Variants in COP1 observed in about 807,000 individuals in gnomAD.
The protein encoded by COP1 is E3 ubiquitin-protein ligase COP1.
In COP1, 24 loss-of-function variants were observed where a neutral mutation model predicts 101.3. That is an observed-to-expected ratio of 0.24 (90% CI 0.17 to 0.33). The LOEUF (loss-of-function observed/expected upper bound fraction) is 0.33, where lower values mean the gene tolerates loss of function less well. COP1 is among the 10% of genes least tolerant of loss of function. COP1 has a pLI of 1.00. For missense variants in COP1, 663 were observed against 906.2 expected, an observed-to-expected ratio of 0.73 and a Z score of 3.45; for synonymous variants, 347 against 341.9, an observed-to-expected ratio of 1.01 and a Z score of -0.17.
At position 176,074,563 on chromosome 1, in the gene COP1, G is replaced by A. The variant is rs188443384; in HGVS notation, c.1277+6589C>T. On this transcript the variant is annotated intron_variant, in intron 11 of 19. Transcript: ENST00000367669. Reference sequence around the variant, plus strand: ...AAAAATTTCTTATATTAGTCTAAATGTTTTAATCTAACCACAATTTGTAAG... The same window carrying A: ...AAAAATTTCTTATATTAGTCTAAATATTTTAATCTAACCACAATTTGTAAG... 5.7e-4 allele frequency among the ~76,000 whole-genome samples: 87 copies of A among 152,170 alleles called. 1 individual carries two copies. Among genetic ancestry groups the A allele is most frequent in the Non-Finnish European group, 9.0e-4 (61 of 67,988 alleles).
intron 8 of COP1, 61 bp downstream of exon 8, chr1:176,134,949 C>G: frequency 3.2e-6 from 4 of 1,256,210 alleles, no homozygotes; most frequent in Non-Finnish European, 4.7e-6. Context: ...TCCTAAAGGA[C>G]TAGACCATAT....
At chr1:176,154,075 G>C (rs1293847026) in intron 5 of COP1, among the ~76,000 whole-genome samples, 1 of 152,132 alleles carries the variant, frequency 6.6e-6, no homozygotes, top group African/African-American at 2.4e-5. Context: ...GTCTCTGCCA[G>C]GTTTTGGTAT....
rs1055087394 is a variant in COP1, at chr1:175,993,844, C to A, written c.1730-4365G>T. 5.3e-5 allele frequency among the ~76,000 whole-genome samples: 8 copies of A among 152,258 alleles called. No homozygotes were observed. In the Middle Eastern group the frequency reaches 0.01, roughly 194 times the overall value. On this transcript the variant is annotated intron_variant, in intron 15 of 19. Transcript: ENST00000367669. ...TGCAGGATATTATCCAGGAGAACTT[C>A]CCCAATCTAGCAAGGCAGGCCAACT...
intron 5 of COP1, among the ~76,000 whole-genome samples, chr1:176,157,542 T>G (rs980113981): frequency 1.3e-5 from 2 of 152,076 alleles, no homozygotes; most frequent in Admixed American, 1.3e-4. Flanking sequence ...TATACATGCA[T>G]CAGGCACTCA....
chr1:175,976,605 T>G (rs1468643814), intron 18 of COP1, among the ~76,000 whole-genome samples: 1 of 152,110 alleles, frequency 6.6e-6, no homozygotes, highest in Non-Finnish European at 1.5e-5. Context: ...TTAGTTGCTA[T>G]TTTGGTTCAG....
chr1:176,042,327 G>A (rs192697252), intron 14 of COP1, among the ~76,000 whole-genome samples: 9 of 146,908 alleles, frequency 6.1e-5, no homozygotes, highest in Non-Finnish European at 9.0e-5. Context: ...TTCAGAGGCC[G>A]AGGCAGCAGG....
intron 14 of COP1, among the ~76,000 whole-genome samples, chr1:176,039,036 T>G (rs1014979226): frequency 6.6e-6 from 1 of 152,132 alleles, no homozygotes; most frequent in African/African-American, 2.4e-5. Flanking sequence ...ATTCTCAGGC[T>G]CATATGGAAC....
At chr1:176,072,632 T>C (rs1443223362) in intron 11 of COP1, among the ~76,000 whole-genome samples, 2 of 152,186 alleles carry the variant, frequency 1.3e-5, no homozygotes, top group African/African-American at 4.8e-5. Context: ...TCAATAATTA[T>C]CTAGAGATGT....
Position 176,107,683 on chromosome 1 carries a change from G to T in COP1, c.1026+8941C>A, listed in dbSNP as rs116060242. 7.0e-3 allele frequency among the ~76,000 whole-genome samples: 1,067 copies of T among 152,232 alleles called. 13 individuals are homozygous for T. Among genetic ancestry groups the T allele is most frequent in the African/African-American group, 0.024 (1,007 of 41,542 alleles). ...TTATAAGTAAGATACAATGATAGAT[G>T]CTCAAAGGGAAGAAACTTTACAGCA... On this transcript the variant is annotated intron_variant, in intron 9 of 19. Transcript: ENST00000367669.
At chr1:175,999,813 G>C (rs1661163500) in intron 15 of COP1, among the ~76,000 whole-genome samples, 1 of 152,080 alleles carries the variant, frequency 6.6e-6, no homozygotes, top group Non-Finnish European at 1.5e-5. Context: ...TAACTGGGGT[G>C]AGATAATATC....
At chr1:175,958,975 C>A (rs1425069791) in intron 18 of COP1, among the ~76,000 whole-genome samples, 1 of 151,692 alleles carries the variant, frequency 6.6e-6, no homozygotes, top group East Asian at 1.9e-4. Context: ...AGTTAATATA[C>A]CCATGAAATC....
At position 176,028,785 on chromosome 1, in the gene COP1, ACTCT is replaced by A. The variant is rs563957234; in HGVS notation, c.1613-1101_1613-1098del. On this transcript the variant is annotated intron_variant, in intron 14 of 19. Transcript: ENST00000367669. ...ATTATTTTTGAGACAGGTTCTCCTC[ACTCT>A]GTCATTCAGGCTGGAGTGCAGTGGC... is the stretch of plus-strand genomic sequence containing the variant. 4.1e-3 allele frequency among the ~76,000 whole-genome samples: 569 copies of A among 138,812 alleles called. 1 individual carries two copies. Among genetic ancestry groups the A allele is most frequent in the Middle Eastern group, 0.02 (5 of 254 alleles). The allele number at this position is 138,812 out of a possible 152,430, so 91.1% of individuals were successfully genotyped here.
intron 11 of COP1, among the ~76,000 whole-genome samples, chr1:176,052,855 C>A (rs10429846): frequency 0.94 from 143,003 of 152,194 alleles, 67,626 homozygotes; most frequent in East Asian, 1. Flanking sequence ...CCCCTCATGC[C>A]ATAGTATTTT....
intron 18 of COP1, among the ~76,000 whole-genome samples, chr1:175,982,572 G>A (rs1365685592): frequency 6.6e-6 from 1 of 152,002 alleles, no homozygotes; most frequent in Non-Finnish European, 1.5e-5. Flanking sequence ...AATTGTTTAT[G>A]TTATTGGTAA....
chr1:176,083,933 T>A, intron 10 of COP1, among the ~76,000 whole-genome samples: 1 of 152,180 alleles, frequency 6.6e-6, no homozygotes, highest in African/African-American at 2.4e-5. Flanking sequence ...TAAAAATCTA[T>A]CTAATTTTCC....
At chr1:176,179,171 T>C (rs1044989743) in intron 2 of COP1, among the ~76,000 whole-genome samples, 1 of 151,700 alleles carries the variant, frequency 6.6e-6, no homozygotes, top group African/African-American at 2.4e-5. Flanking sequence ...ACACCTATAG[T>C]CCTAGCTACT....
At chr1:176,183,519 G>A (rs1698053087) in intron 2 of COP1, among the ~76,000 whole-genome samples, 1 of 152,134 alleles carries the variant, frequency 6.6e-6, no homozygotes. Flanking sequence ...ATAAAATAGT[G>A]CAGCCCCTAT....
At chr1:176,167,789 T>A (rs1190667653) in intron 3 of COP1, among the ~76,000 whole-genome samples, 1 of 152,194 alleles carries the variant, frequency 6.6e-6, no homozygotes, top group South Asian at 2.1e-4. Flanking sequence ...TTTGGCTGTA[T>A]AACTTGACAC....
At chr1:175,962,369 A>C (rs1300951541) in intron 18 of COP1, among the ~76,000 whole-genome samples, 1 of 152,170 alleles carries the variant, frequency 6.6e-6, no homozygotes, top group Non-Finnish European at 1.5e-5. Context: ...AATCTGCACA[A>C]ACCTCACTAA....
Sources: gnomAD v4.1 joint callset for allele counts (sites outside exome capture counted in the v4.1 genomes callset) on GRCh38, gnomAD v4.1.1 for gene constraint, MANE v1.5 for transcripts, NCBI Gene and HGNC (gene_info 2026-07-23, HGNC 2026-07-21) for gene names.